Variants in PDZRN4 observed in about 807,000 individuals in gnomAD.
PDZRN4 encodes the protein PDZ domain-containing RING finger protein 4.
PDZRN4 carries 70 observed loss-of-function variants against 99.0 expected under a neutral mutation model. The ratio of observed to expected loss-of-function variants is 0.71; its 90% confidence interval spans 0.58 to 0.86. The LOEUF (loss-of-function observed/expected upper bound fraction) is 0.86, where lower values mean the gene tolerates loss of function less well. Ranked by LOEUF, PDZRN4 falls within the 40% of genes least tolerant of loss-of-function variation. The pLI is 0.00. For synonymous variants in PDZRN4, 551 were observed against 501.6 expected, an observed-to-expected ratio of 1.10 and a Z score of -1.32; for missense variants, 1,474 against 1,331.2, an observed-to-expected ratio of 1.11 and a Z score of -1.67.
intron 3 of PDZRN4, among the ~76,000 whole-genome samples, chr12:41,310,369 A>G (rs1951598790): frequency 6.6e-6 from 1 of 152,128 alleles, no homozygotes; most frequent in East Asian, 1.9e-4. Flanking sequence ...TTACATGATA[A>G]CAATCTGTAG....
At chr12:41,408,043 A>C (rs1200481382) in intron 3 of PDZRN4, among the ~76,000 whole-genome samples, 1 of 152,232 alleles carries the variant, frequency 6.6e-6, no homozygotes, top group East Asian at 1.9e-4. Flanking sequence ...TTTGATAATA[A>C]GGCGAGTTAG....
At chr12:41,391,639 T>G (rs755919708) in intron 3 of PDZRN4, among the ~76,000 whole-genome samples, 4 of 152,202 alleles carry the variant, frequency 2.6e-5, no homozygotes, top group Non-Finnish European at 4.4e-5. Context: ...GACCAATTTC[T>G]TGGATGTCAT....
intron 3 of PDZRN4, among the ~76,000 whole-genome samples, chr12:41,308,900 A>C (rs117300028): frequency 0.029 from 4,440 of 152,242 alleles, 76 homozygotes; most frequent in Non-Finnish European, 0.046. Context: ...GCAGAATGTG[A>C]TTTATCACAT....
Position 41,266,883 on chromosome 12 carries a change from A to T in PDZRN4, c.843+72695A>T, listed in dbSNP as rs142147171. On this transcript the variant is annotated intron_variant, in intron 3 of 9. Transcript: ENST00000402685. ...ATAGTTGATGAATAGTTCTTAAGAT[A>T]ATACCATAAAGCTAAATACTCTTTC... Among the ~76,000 whole-genome samples the T allele has an allele frequency of 7.6e-4, 116 of 152,348 alleles. No homozygotes were observed. The East Asian group carries it at 0.021, about 28-fold the overall frequency.
chr12:41,294,870 G>T (rs988479667), intron 3 of PDZRN4, among the ~76,000 whole-genome samples: 1 of 151,950 alleles, frequency 6.6e-6, no homozygotes, highest in East Asian at 1.9e-4. Flanking sequence ...AATTCTAAAA[G>T]GAGAAAAATT....
chr12:41,571,985 T>C (rs1939489983), intron 9 of PDZRN4, among the ~76,000 whole-genome samples: 1 of 152,226 alleles, frequency 6.6e-6, no homozygotes, highest in Non-Finnish European at 1.5e-5. Flanking sequence ...GAAGACTATT[T>C]AGACATTCTG....
chr12:41,242,475 C>T (rs1951107333), intron 3 of PDZRN4, among the ~76,000 whole-genome samples: 2 of 152,184 alleles, frequency 1.3e-5, no homozygotes, highest in South Asian at 4.1e-4. Flanking sequence ...TCGCTGGTTA[C>T]ACAACTATCC....
At chr12:41,310,278 GTA>G (rs954608614) in intron 3 of PDZRN4, among the ~76,000 whole-genome samples, 330 of 132,542 alleles carry the variant, frequency 2.5e-3, no homozygotes, top group African/African-American at 8.6e-3. Flanking sequence ...GTGTGTGTGT[GTA>G]TGCATATATT....
At chr12:41,537,365 G>T (rs927067158) in intron 5 of PDZRN4, among the ~76,000 whole-genome samples, 2 of 152,152 alleles carry the variant, frequency 1.3e-5, no homozygotes, top group African/African-American at 4.8e-5. Flanking sequence ...GAATACATTT[G>T]CTCTATCCTT....
intron 1 of PDZRN4, among the ~76,000 whole-genome samples, chr12:41,189,612 T>G (rs1479231709): frequency 6.6e-6 from 1 of 152,190 alleles, no homozygotes; most frequent in Non-Finnish European, 1.5e-5. Context: ...GCGCTGCCAC[T>G]GCCTGAATCA....
At chr12:41,475,053 G>A (rs1209435378) in intron 3 of PDZRN4, among the ~76,000 whole-genome samples, 1 of 152,132 alleles carries the variant, frequency 6.6e-6, no homozygotes, top group African/African-American at 2.4e-5. Context: ...ATATTCAATA[G>A]TGTGGTTACA....
chr12:41,293,432 G>A (rs934887516), intron 3 of PDZRN4, among the ~76,000 whole-genome samples: 22 of 151,504 alleles, frequency 1.5e-4, no homozygotes, highest in African/African-American at 4.6e-4. Context: ...TACTACCTGC[G>A]CTCCTGCTCT....
At chr12:41,222,981 A>C (rs1286456370) in intron 3 of PDZRN4, among the ~76,000 whole-genome samples, 1 of 152,164 alleles carries the variant, frequency 6.6e-6, no homozygotes, top group Non-Finnish European at 1.5e-5. Flanking sequence ...TTGGTAACCA[A>C]ATTACAGATT....
At chr12:41,536,272 C>T (rs1037549697) in intron 5 of PDZRN4, among the ~76,000 whole-genome samples, 49 of 152,032 alleles carry the variant, frequency 3.2e-4, no homozygotes, top group African/African-American at 1.2e-3. Context: ...AATAAGCTGT[C>T]AAGCCATGAA....
chr12:41,303,225 C>A (rs1592004230), intron 3 of PDZRN4, among the ~76,000 whole-genome samples: 1 of 152,120 alleles, frequency 6.6e-6, no homozygotes, highest in Non-Finnish European at 1.5e-5. Flanking sequence ...GCCAGTAAAT[C>A]AGTAAAACCA....
chr12:41,450,806 T>C (rs1160622499), intron 3 of PDZRN4, among the ~76,000 whole-genome samples: 2 of 152,144 alleles, frequency 1.3e-5, no homozygotes, highest in African/African-American at 4.8e-5. Flanking sequence ...TTCATGCCTT[T>C]ACTTTCAGCT....
intron 3 of PDZRN4, among the ~76,000 whole-genome samples, chr12:41,277,051 T>C (rs1951354046): frequency 6.6e-6 from 1 of 152,212 alleles, no homozygotes; most frequent in Admixed American, 6.5e-5. Context: ...TTCTAAAATA[T>C]AACAATTCTT....
At chr12:41,365,255 T>A (rs1330498052) in intron 3 of PDZRN4, among the ~76,000 whole-genome samples, 1 of 152,142 alleles carries the variant, frequency 6.6e-6, no homozygotes, top group East Asian at 1.9e-4. Context: ...GATTTATTGC[T>A]ATGGACCTAA....
chr12:41,227,072 A>T (rs921391042), intron 3 of PDZRN4, among the ~76,000 whole-genome samples: 8 of 152,206 alleles, frequency 5.3e-5, no homozygotes, highest in Non-Finnish European at 1.5e-5. Flanking sequence ...TCAAAACTAT[A>T]GAAAAATACA....
Sources: allele counts gnomAD v4.1 joint callset (sites outside exome capture counted in the v4.1 genomes callset), GRCh38; gene constraint gnomAD v4.1.1; transcripts MANE v1.5; gene names NCBI Gene and HGNC (gene_info 2026-07-23, HGNC 2026-07-21).